PRKCB: variants seen among roughly 807,000 people sequenced by gnomAD.
PRKCB encodes the protein protein kinase C beta, also known as protein kinase C beta type.
In PRKCB, 13 loss-of-function variants were observed where a neutral mutation model predicts 81.5. The observed-to-expected ratio is 0.16, with a 90% CI of 0.10 to 0.25. PRKCB has a LOEUF of 0.25. Ranked by LOEUF, PRKCB falls within the 10% of genes least tolerant of loss-of-function variation. The pLI is 1.00. For synonymous variants in PRKCB, 335 were observed against 321.4 expected (o/e 1.04, Z -0.45); for missense variants, 509 against 875.7 (o/e 0.58, Z 5.29).
chr16:24,137,726 C>T (rs552734869), intron 9 of PRKCB, among the ~76,000 whole-genome samples: 102 of 152,278 alleles, frequency 6.7e-4, no homozygotes, highest in South Asian at 3.3e-3. Context: ...TAAAATGAAT[C>T]CCTGGTTACT....
chr16:24,101,554 AC>A (rs1966508711), intron 7 of PRKCB, among the ~76,000 whole-genome samples: 1 of 152,234 alleles, frequency 6.6e-6, no homozygotes, highest in Admixed American at 6.5e-5. Flanking sequence ...AAATAAAGAA[AC>A]AAATACAAAT....
At chr16:24,213,275 C>T (rs1968174544) in intron 16 of PRKCB, among the ~76,000 whole-genome samples, 1 of 151,920 alleles carries the variant, frequency 6.6e-6, no homozygotes, top group Non-Finnish European at 1.5e-5. Context: ...CTTTGTGATC[C>T]ACCCGCCTCC....
At chr16:24,023,368 ATACT>A (rs1368423684) in intron 3 of PRKCB, among the ~76,000 whole-genome samples, 3 of 152,090 alleles carry the variant, frequency 2.0e-5, no homozygotes, top group African/African-American at 4.8e-5. Context: ...GGCAGGACTG[ATACT>A]TATTTATTTA....
intron 3 of PRKCB, among the ~76,000 whole-genome samples, chr16:24,013,416 G>T (rs1244975714): frequency 6.6e-6 from 1 of 152,170 alleles, no homozygotes; most frequent in Non-Finnish European, 1.5e-5. Context: ...TGAATCACTA[G>T]CTGTGTGACC....
chr16:24,181,692 C>T (rs986666163), intron 13 of PRKCB, among the ~76,000 whole-genome samples: 4 of 141,552 alleles, frequency 2.8e-5, no homozygotes, highest in Non-Finnish European at 6.0e-5. Context: ...ACCTGAGCCC[C>T]AGGAGGTCCA....
chr16:24,054,204 T>C (rs1200496493), intron 5 of PRKCB, among the ~76,000 whole-genome samples: 3 of 152,170 alleles, frequency 2.0e-5, no homozygotes, highest in Non-Finnish European at 1.5e-5. Flanking sequence ...TTCAAACTCC[T>C]GGCCTCAAGT....
intron 2 of PRKCB, among the ~76,000 whole-genome samples, chr16:23,923,589 G>A (rs959456114): frequency 2.0e-5 from 3 of 152,062 alleles, no homozygotes; most frequent in Non-Finnish European, 4.4e-5. Context: ...TTAAAATAAG[G>A]TTAATTGAAT....
At chr16:23,860,190 A>C (rs1216036794) in intron 2 of PRKCB, among the ~76,000 whole-genome samples, 1 of 152,168 alleles carries the variant, frequency 6.6e-6, no homozygotes, top group Non-Finnish European at 1.5e-5. Context: ...GTCAGGATCA[A>C]ATATGTTAGT....
intron 8 of PRKCB, among the ~76,000 whole-genome samples, chr16:24,119,414 G>A (rs1051272022): frequency 2.6e-5 from 4 of 152,132 alleles, no homozygotes; most frequent in South Asian, 2.1e-4. Flanking sequence ...TTTGAGGTCC[G>A]TGCTCACGTT....
intron 7 of PRKCB, among the ~76,000 whole-genome samples, chr16:24,109,511 C>A (rs1392985842): frequency 0.027 from 3,186 of 118,562 alleles, 33 homozygotes; most frequent in Non-Finnish European, 0.039. Context: ...AGACGATGGG[C>A]GGCCGGGCAG....
intron 2 of PRKCB, among the ~76,000 whole-genome samples, chr16:23,838,215 C>T (rs1341217031): frequency 1.3e-5 from 2 of 152,226 alleles, no homozygotes; most frequent in African/African-American, 4.8e-5. Flanking sequence ...TTGATGTGAA[C>T]GTTTTAGAAC....
chr16:23,997,320 C>G (rs940447015), intron 3 of PRKCB, among the ~76,000 whole-genome samples: 1 of 152,144 alleles, frequency 6.6e-6, no homozygotes, highest in Non-Finnish European at 1.5e-5. Flanking sequence ...TTACCATTAC[C>G]TGTGATTAAG....
intron 2 of PRKCB, among the ~76,000 whole-genome samples, chr16:23,863,187 C>CATACGTATATATGTGTATAT (rs1567293342): frequency 1.1e-4 from 14 of 126,090 alleles, no homozygotes; most frequent in African/African-American, 5.1e-4. Context: ...TATGTGTATA[C>CATACGTATATATGTGTATAT]ATACATACGT....
chr16:23,976,968 A>T (rs1964635488), intron 2 of PRKCB, among the ~76,000 whole-genome samples: 1 of 152,194 alleles, frequency 6.6e-6, no homozygotes, highest in African/African-American at 2.4e-5. Context: ...TATCTTGCTT[A>T]GTTAAATAAA....
At chr16:23,904,587 C>T (rs545489584) in intron 2 of PRKCB, among the ~76,000 whole-genome samples, 11 of 152,072 alleles carry the variant, frequency 7.2e-5, no homozygotes, top group Admixed American at 1.3e-4. Flanking sequence ...CGCTTGAACC[C>T]GGGAAGTGAA....
intron 2 of PRKCB, among the ~76,000 whole-genome samples, chr16:23,919,994 T>C (rs1435821880): frequency 6.6e-6 from 1 of 152,246 alleles, no homozygotes; most frequent in African/African-American, 2.4e-5. Context: ...GGCCCTGTTT[T>C]CAATTCTTTT....
intron 3 of PRKCB, chr16:24,031,872 C>T (rs1432912805): frequency 3.3e-6 from 1 of 305,254 alleles, no homozygotes; most frequent in African/African-American, 2.2e-5. Context: ...CCCAGGCAGG[C>T]CCAGATGGAG....
chr16:24,082,904 A>G (rs1452897792), intron 5 of PRKCB, among the ~76,000 whole-genome samples: 2 of 152,180 alleles, frequency 1.3e-5, no homozygotes, highest in African/African-American at 2.4e-5. Context: ...AACAAACTAT[A>G]AACTGGAAGA....
At chr16:24,191,364 C>A in intron 16 of PRKCB, 134 bp downstream of exon 16, 4 of 923,422 alleles carry the variant, frequency 4.3e-6, no homozygotes, top group Non-Finnish European at 6.4e-6. Context: ...TGTATTCACA[C>A]ATATGCACAA....
Sources: allele counts gnomAD v4.1 joint callset (sites outside exome capture counted in the v4.1 genomes callset), GRCh38; gene constraint gnomAD v4.1.1; transcripts MANE v1.5; gene names NCBI Gene and HGNC (gene_info 2026-07-23, HGNC 2026-07-21).